The following SYNJ2 variants were observed in gnomAD, a reference collection of about 807,000 sequenced individuals.
SYNJ2 encodes synaptojanin 2, also known as polyphosphatidylinositol phosphatase SYNJ2.
SYNJ2 carries 116 observed loss-of-function variants against 141.3 expected under a neutral mutation model. The ratio of observed to expected loss-of-function variants is 0.82; its 90% CI spans 0.71 to 0.96. SYNJ2 has a LOEUF of 0.96. Ranked by LOEUF, SYNJ2 falls within the 40% of genes least tolerant of loss-of-function variation. The pLI is 0.00. For missense variants in SYNJ2, 1,873 were observed against 1,934.8 expected, an observed-to-expected ratio of 0.97 and a Z score of 0.60; for synonymous variants, 745 against 777.7, an observed-to-expected ratio of 0.96 and a Z score of 0.70.
intron 1 of SYNJ2, among the ~76,000 whole-genome samples, chr6:157,987,691 T>G (rs1302301306): frequency 6.6e-6 from 1 of 152,238 alleles, no homozygotes; most frequent in African/African-American, 2.4e-5. Context: ...CATGAGCCAC[T>G]GCACCTGACC....
intron 2 of SYNJ2, chr6:158,026,758 C>T: frequency 1.1e-6 from 1 of 916,140 alleles, no homozygotes; most frequent in African/African-American, 1.8e-5. Context: ...CTCTGGCAGC[C>T]ACAGGGGCCA....
rs1779163386 is a variant in SYNJ2 at position 158,028,254 on chromosome 6, A to C, written c.215-502A>C. On this transcript the variant is annotated intron_variant, in intron 2 of 26. Coordinates refer to ENST00000355585, the MANE Select transcript of SYNJ2 (RefSeq NM_003898.4). ...AGGAAGGGCGGAGCGGCTGTGATCC[A>C]ATGACTTTGGGAAGGCCACTCCTGT... The C allele has an allele frequency of 2.4e-5, 4 of 166,408 alleles. No homozygotes were observed. In the South Asian group the frequency reaches 6.1e-4, roughly 25 times the overall value. 10.3% of individuals were successfully genotyped at this position (166,408 alleles called of 1,614,324 possible). A position where few individuals can be genotyped will look rare whatever the true frequency, so the allele number is the denominator to read the frequency against.
rs948412235 is a variant in SYNJ2, at chr6:158,043,735, G to C, written c.795+336G>C. On this transcript the variant is annotated intron_variant, in intron 5 of 26. Transcript: ENST00000355585. This position sits in a 1 kb window ranked among gnomAD's most constrained non-coding sequence, Gnocchi z 4.0. Reference sequence around the variant, plus strand: ...AGCACTGCCTGAGGTTAGACCCTGAGTTCGGTGTACTGAGGACGTTTCTGA... The same window carrying C: ...AGCACTGCCTGAGGTTAGACCCTGACTTCGGTGTACTGAGGACGTTTCTGA... Among the ~76,000 whole-genome samples the C allele has an allele frequency of 6.6e-6, 1 of 152,188 alleles. No individual in the cohort carries two copies. Among genetic ancestry groups the C allele is most frequent in the Non-Finnish European group, 1.5e-5 (1 of 68,022 alleles).
At chr6:158,062,579 G>A (rs560788906) in intron 8 of SYNJ2, among the ~76,000 whole-genome samples, 3 of 152,168 alleles carry the variant, frequency 2.0e-5, no homozygotes, top group Non-Finnish European at 4.4e-5. Context: ...GACTTAGATT[G>A]CTAGAGGAGA....
intron 23 of SYNJ2, 128 bp from the exon 24 acceptor site, chr6:158,088,518 CCTAAGTGCCGAGTG>C: frequency 1.6e-6 from 1 of 644,778 alleles, no homozygotes; most frequent in East Asian, 2.6e-5. Flanking sequence ...CTGTGGGTGC[CCTAAGTGCCGAGTG>C]AGTATTCGGA....
At position 157,993,817 on chromosome 6, in the gene SYNJ2, T is replaced by G. The variant is rs1393375187; in HGVS notation, c.127+11729T>G. Among the ~76,000 whole-genome samples, 39 of 116,682 alleles carry G rather than the reference T, an allele frequency of 3.3e-4. 2 individuals are homozygous for G. Among genetic ancestry groups the G allele is most frequent in the African/African-American group, 1.1e-3 (34 of 32,014 alleles). The allele number at this position is 116,682 out of a possible 152,430, so 76.5% of individuals were successfully genotyped here. Reference sequence around the variant, plus strand: ...TGTGGGTTTTTTTTTTTTTTTTTTTTTTTTTTTTTTTTTTTGGGACGGAGT... The same window carrying G: ...TGTGGGTTTTTTTTTTTTTTTTTTTGTTTTTTTTTTTTTTTGGGACGGAGT... On this transcript the variant is annotated intron_variant, in intron 1 of 26. Coordinates refer to ENST00000355585, the MANE Select transcript of SYNJ2 (RefSeq NM_003898.4).
intron 13 of SYNJ2, among the ~76,000 whole-genome samples, 177 bp downstream of exon 13, chr6:158,068,905 C>G (rs917212888): frequency 2.6e-5 from 4 of 152,168 alleles, no homozygotes; most frequent in African/African-American, 9.7e-5. Context: ...ATGCACCACC[C>G]CGTTCTTTCC....
chr6:158,069,121 G>A (rs962793667), intron 13 of SYNJ2, among the ~76,000 whole-genome samples: 4 of 152,092 alleles, frequency 2.6e-5, no homozygotes, highest in Admixed American at 2.6e-4. Flanking sequence ...GTGAGTGCCG[G>A]GAAGAGGTAC....
At position 158,078,204 on chromosome 6, in the gene SYNJ2, C is replaced by T. The variant is rs1381612768; in HGVS notation, c.2490C>T (p.Asp830=). The T allele has an allele frequency of 1.9e-6, 3 of 1,614,062 alleles. No homozygotes were observed. Among genetic ancestry groups the T allele is most frequent in the South Asian group, 1.1e-5 (1 of 91,080 alleles). ...TTCTAGACAGTGATCTAGATGTTGA[C>T]ACCAAAGTCAGACACACCTGGTCTC... The part of the protein sequence containing the change: ...LNLLDSDLDV[D]TKVRHTWSPG... The change falls in exon 18 of 27, where the codon GAC becomes GAT. Residue 830 remains aspartate (D), a synonymous_variant. Transcript: ENST00000355585.
intron 1 of SYNJ2, among the ~76,000 whole-genome samples, chr6:157,983,170 C>A (rs11969968): frequency 0.016 from 2,504 of 152,310 alleles, 71 homozygotes; most frequent in African/African-American, 0.058. Context: ...TGCATCGACT[C>A]CCGTTCGGAT....
intron 5 of SYNJ2, among the ~76,000 whole-genome samples, chr6:158,052,423 G>A (rs919017538): frequency 6.6e-6 from 1 of 152,216 alleles, no homozygotes; most frequent in Non-Finnish European, 1.5e-5. Context: ...CTGAGGCTGG[G>A]TAATTTATAA....
At chr6:158,044,542 C>T (rs957909266) in intron 5 of SYNJ2, among the ~76,000 whole-genome samples, 16 of 152,208 alleles carry the variant, frequency 1.1e-4, no homozygotes, top group Admixed American at 9.2e-4. Flanking sequence ...GAGAAACGCT[C>T]CTGAGGACAG....
intron 1 of SYNJ2, among the ~76,000 whole-genome samples, chr6:157,997,266 G>A (rs993696069): frequency 2.0e-5 from 3 of 152,112 alleles, no homozygotes; most frequent in African/African-American, 4.8e-5. Context: ...GTCCTAACCC[G>A]GGATACCTTG....
Position 158,074,286 on chromosome 6 carries a change from C to T in SYNJ2, c.2134-294C>T, listed in dbSNP as rs115517300. On this transcript the variant is annotated intron_variant, in intron 15 of 26. Coordinates refer to ENST00000355585, the MANE Select transcript of SYNJ2 (RefSeq NM_003898.4). Reference sequence around the variant, plus strand: ...GTAAGGGTGCATCTGATCTTCAGGACGGGGATCCATGGAGGAAATGCTGGC... The same window carrying T: ...GTAAGGGTGCATCTGATCTTCAGGATGGGGATCCATGGAGGAAATGCTGGC... 7.9e-3 allele frequency among the ~76,000 whole-genome samples: 1,197 copies of T among 152,178 alleles called. 20 individuals are homozygous for T. Among genetic ancestry groups the T allele is most frequent in the African/African-American group, 0.027 (1,135 of 41,498 alleles).
intron 3 of SYNJ2, among the ~76,000 whole-genome samples, chr6:158,032,841 A>G (rs1344266705): frequency 6.6e-6 from 1 of 152,208 alleles, no homozygotes; most frequent in Non-Finnish European, 1.5e-5. Flanking sequence ...GCCTACAGCA[A>G]TCCACTAGGC....
At chr6:157,994,916 A>G (rs1163506690) in intron 1 of SYNJ2, among the ~76,000 whole-genome samples, 1 of 152,136 alleles carries the variant, frequency 6.6e-6, no homozygotes, top group Non-Finnish European at 1.5e-5. Context: ...GCGCCCCTCC[A>G]TTGCCCTGCA....
rs34971762 is a variant in SYNJ2, at chr6:157,993,710, CTT to C, written c.127+11646_127+11647del. Among the ~76,000 whole-genome samples, 161 of 40,540 alleles carry C rather than the reference CTT, an allele frequency of 4.0e-3. 1 individual carries two copies. Among genetic ancestry groups the C allele is most frequent in the African/African-American group, 0.016 (149 of 9,136 alleles). 26.6% of individuals were successfully genotyped at this position (40,540 alleles called of 152,430 possible). ...AAACATAACTTTCATTCTTGCATAGCTTTTTTTTTTTTTTTTTTTTTTTTTAA... is the reference window on the plus strand; with the variant it reads ...AAACATAACTTTCATTCTTGCATAGCTTTTTTTTTTTTTTTTTTTTTTTAA... On this transcript the variant is annotated intron_variant, in intron 1 of 26. Transcript: ENST00000355585.
At chr6:158,093,787 G>T (rs1259520080) in intron 26 of SYNJ2, 18 of 702,764 alleles carry the variant, frequency 2.6e-5, no homozygotes, top group Non-Finnish European at 4.7e-5. Flanking sequence ...CAAGGCATTA[G>T]GAAAACAGTA....
chr6:157,996,224 G>A (rs954202726), intron 1 of SYNJ2, among the ~76,000 whole-genome samples: 9 of 151,132 alleles, frequency 6.0e-5, no homozygotes, highest in East Asian at 3.9e-4. Flanking sequence ...TCATTCTGAC[G>A]CCCCTTCCTT....
Sources: allele counts gnomAD v4.1 joint callset (sites outside exome capture counted in the v4.1 genomes callset), GRCh38; gene constraint gnomAD v4.1.1; non-coding constraint Gnocchi (gnomAD v3.1); transcripts MANE v1.5; gene names NCBI Gene and HGNC (gene_info 2026-07-23, HGNC 2026-07-21).